CFAP20DC: variants seen among roughly 807,000 people sequenced by gnomAD.
The protein encoded by CFAP20DC is protein CFAP20DC.
In CFAP20DC, 84 loss-of-function variants were observed where a neutral mutation model predicts 101.7. The ratio of observed to expected loss-of-function variants is 0.83; its 90% CI spans 0.69 to 0.99. The LOEUF is 0.99. CFAP20DC is among the 50% of genes least tolerant of loss of function. The pLI is 0.00. For synonymous variants in CFAP20DC, 359 were observed against 351.2 expected (o/e 1.02, Z -0.25); for missense variants, 1,007 against 970.3 (o/e 1.04, Z -0.50).
chr3:58,744,980 T>C (rs2068096066), intron 16 of CFAP20DC, among the ~76,000 whole-genome samples: 1 of 152,168 alleles, frequency 6.6e-6, no homozygotes, highest in Non-Finnish European at 1.5e-5. Flanking sequence ...TTTATATCTT[T>C]GAAGTATGAA....
At chr3:58,814,224 C>A (rs1033032192) in intron 14 of CFAP20DC, among the ~76,000 whole-genome samples, 8 of 151,860 alleles carry the variant, frequency 5.3e-5, no homozygotes, top group Non-Finnish European at 1.2e-4. Flanking sequence ...ATGCCCAAAC[C>A]TCTATTCCAA....
chr3:59,026,829 G>A (rs549443859), intron 4 of CFAP20DC, among the ~76,000 whole-genome samples: 8 of 152,186 alleles, frequency 5.3e-5, no homozygotes, highest in South Asian at 2.1e-4. Flanking sequence ...GTAACAGTAC[G>A]GAAAAAATAA....
chr3:58,752,872 G>A (rs1466465496), intron 16 of CFAP20DC, among the ~76,000 whole-genome samples: 1 of 152,058 alleles, frequency 6.6e-6, no homozygotes, highest in Non-Finnish European at 1.5e-5. Context: ...TTTTGTTGGA[G>A]CAATTTATAT....
chr3:59,023,540 G>A (rs1252324810), intron 4 of CFAP20DC, among the ~76,000 whole-genome samples: 1 of 152,046 alleles, frequency 6.6e-6, no homozygotes, highest in Non-Finnish European at 1.5e-5. Context: ...CAGCAACCAA[G>A]GTGGCTATGG....
chr3:58,858,780 A>G (rs2079029236), intron 12 of CFAP20DC, among the ~76,000 whole-genome samples: 1 of 152,212 alleles, frequency 6.6e-6, no homozygotes. Flanking sequence ...AGTTTTGTCC[A>G]TCATGTTAGT....
intron 7 of CFAP20DC, among the ~76,000 whole-genome samples, chr3:58,883,667 C>T (rs1033826125): frequency 6.6e-6 from 1 of 152,250 alleles, no homozygotes; most frequent in African/African-American, 2.4e-5. Context: ...CATCATTTTA[C>T]CTTTCATTCA....
intron 15 of CFAP20DC, among the ~76,000 whole-genome samples, chr3:58,760,996 C>G (rs1226379074): frequency 6.6e-6 from 1 of 152,062 alleles, no homozygotes; most frequent in East Asian, 1.9e-4. Context: ...CTAAGATGCT[C>G]TTTTTTTGTT....
At chr3:58,918,057 C>G (rs1275417442) in intron 5 of CFAP20DC, among the ~76,000 whole-genome samples, 2 of 152,196 alleles carry the variant, frequency 1.3e-5, no homozygotes, top group Admixed American at 6.5e-5. Flanking sequence ...ACCATGCTCC[C>G]TAAAATTCTT....
At chr3:58,889,443 C>T (rs893729388) in intron 6 of CFAP20DC, among the ~76,000 whole-genome samples, 6 of 152,150 alleles carry the variant, frequency 3.9e-5, no homozygotes, top group African/African-American at 1.4e-4. Flanking sequence ...GCTGACCTAG[C>T]TCCACAACCC....
Position 58,849,211 on chromosome 3 carries a change from T to A in CFAP20DC, c.1792A>T (p.Ser598Cys), listed in dbSNP as rs2078004474. The A allele has an allele frequency of 2.6e-6, 4 of 1,535,986 alleles. No homozygotes were observed. Among genetic ancestry groups the A allele is most frequent in the Non-Finnish European group, 3.5e-6 (4 of 1,146,904 alleles). Reference protein sequence around the residue: ...EQIDRNNFEMSLLPTTCLSPT... With the variant: ...EQIDRNNFEMCLLPTTCLSPT... ...GAAAGGCATGTTGTAGGCAACAAACTCATTTCAAAGTTATTTCTATCTATT... is the reference window on the plus strand; with the variant it reads ...GAAAGGCATGTTGTAGGCAACAAACACATTTCAAAGTTATTTCTATCTATT... Residue 598 changes from serine (S) to cysteine (C), a missense_variant, in exon 13 of 17, where the codon AGT becomes TGT. Coordinates refer to ENST00000482387, the MANE Select transcript of CFAP20DC (RefSeq NM_001394063.1).
intron 7 of CFAP20DC, among the ~76,000 whole-genome samples, chr3:58,881,726 C>G (rs928708232): frequency 6.6e-6 from 1 of 152,110 alleles, no homozygotes; most frequent in Admixed American, 6.5e-5. Flanking sequence ...ACATGAGTAG[C>G]CCATAGTTAA....
chr3:58,936,956 C>CA (rs35351829), intron 5 of CFAP20DC, among the ~76,000 whole-genome samples: 52,320 of 140,124 alleles, frequency 0.37, 11,079 homozygotes, highest in South Asian at 0.58. Flanking sequence ...AAATTTAAGC[C>CA]AAAAAAAAAA....
intron 16 of CFAP20DC, among the ~76,000 whole-genome samples, chr3:58,744,005 G>A (rs10510796): frequency 0.015 from 2,275 of 152,336 alleles, 43 homozygotes; most frequent in African/African-American, 0.051. Flanking sequence ...ACTATGCAGA[G>A]AAACAGGTGA....
intron 12 of CFAP20DC, among the ~76,000 whole-genome samples, chr3:58,857,913 C>A (rs2078966945): frequency 6.6e-6 from 1 of 152,092 alleles, no homozygotes; most frequent in Non-Finnish European, 1.5e-5. Context: ...TTATTGATTT[C>A]ACGTATGTAA....
intron 7 of CFAP20DC, among the ~76,000 whole-genome samples, chr3:58,875,141 C>G (rs1576073674): frequency 6.6e-6 from 1 of 152,188 alleles, no homozygotes; most frequent in Admixed American, 6.5e-5. Context: ...TGATGATGCT[C>G]TCAACAGTAG....
rs144031684 is a variant in CFAP20DC at position 58,722,366 on chromosome 3, G to C, written c.198-4738C>G. ...TAGTGGTCTTATATCACTCAAGTTT[G>C]GGGTGGTTTGTTGTGCAGTGAGAGG... On this transcript the variant is annotated intron_variant, in intron 3 of 3. Coordinates refer to the CFAP20DC transcript ENST00000486145. This position sits in a 1 kb window ranked among gnomAD's most constrained non-coding sequence, Gnocchi z 4.5. 1.3e-5 allele frequency among the ~76,000 whole-genome samples: 2 copies of C among 152,260 alleles called. No individual in the cohort carries two copies. Among genetic ancestry groups the C allele is most frequent in the East Asian group, 3.9e-4 (2 of 5,184 alleles).
Position 58,754,457 on chromosome 3 carries a change from G to C in CFAP20DC, c.2238-594C>G, listed in dbSNP as rs144903064. ...CTTGCTTCCTCTCGTAGATACCTGG[G>C]GGGTAGAATTCAAGCTGGTGACATC... On this transcript the variant is annotated intron_variant, in intron 15 of 16. Transcript: ENST00000482387. 1.9e-3 allele frequency among the ~76,000 whole-genome samples: 292 copies of C among 152,194 alleles called. 3 individuals carry two copies. Among genetic ancestry groups the C allele is most frequent in the Middle Eastern group, 6.8e-3 (2 of 292 alleles).
intron 6 of CFAP20DC, among the ~76,000 whole-genome samples, chr3:58,891,858 G>T (rs2106833387): frequency 1.3e-5 from 2 of 152,274 alleles, no homozygotes; most frequent in South Asian, 4.1e-4. Context: ...ATTGCTTTTG[G>T]TGTTTTCATC....
chr3:58,799,788 A>G lies in CFAP20DC; in HGVS notation c.2237+6607T>C, dbSNP rs942662197. On this transcript the variant is annotated intron_variant, in intron 15 of 16. Coordinates refer to ENST00000482387, the MANE Select transcript of CFAP20DC (RefSeq NM_001394063.1). This position sits in a 1 kb window ranked among gnomAD's most constrained non-coding sequence, Gnocchi z 4.9. ...GTGTGTAGAAAACAGACAAACAAGGAAACATCAGTTAGTGGAATAATGTGA... is the reference window on the plus strand; with the variant it reads ...GTGTGTAGAAAACAGACAAACAAGGGAACATCAGTTAGTGGAATAATGTGA... Among the ~76,000 whole-genome samples the G allele has an allele frequency of 6.6e-6, 1 of 151,846 alleles. No homozygotes were observed. The highest frequency in any genetic ancestry group is 2.4e-5 in the African/African-American group (1 of 41,308).
Sources: allele counts gnomAD v4.1 joint callset (sites outside exome capture counted in the v4.1 genomes callset), GRCh38; gene constraint gnomAD v4.1.1; non-coding constraint Gnocchi (gnomAD v3.1); transcripts MANE v1.5; gene names NCBI Gene and HGNC (gene_info 2026-07-23, HGNC 2026-07-21).